The following RBMS3 variants were observed in gnomAD, a reference collection of about 807,000 sequenced individuals.
RBMS3 encodes the protein RNA-binding motif, single-stranded-interacting protein 3.
Under a neutral mutation model 66.8 loss-of-function variants are expected in RBMS3, and 27 were observed. The observed-to-expected ratio is 0.40, with a 90% CI of 0.30 to 0.56. The LOEUF (loss-of-function observed/expected upper bound fraction) is 0.56. Ranked by LOEUF, RBMS3 falls within the 20% of genes least tolerant of loss-of-function variation. RBMS3 has a pLI of 0.40. For synonymous variants in RBMS3, 188 were observed against 183.0 expected (o/e 1.03, Z -0.22); for missense variants, 513 against 549.5 (o/e 0.93, Z 0.66).
chr3:29,943,365 G>A (rs890901705), intron 11 of RBMS3, among the ~76,000 whole-genome samples: 1 of 151,926 alleles, frequency 6.6e-6, no homozygotes, highest in East Asian at 1.9e-4. Context: ...TCCATTTTTA[G>A]AAGGGGACCC....
chr3:29,624,050 A>G (rs557615574), intron 4 of RBMS3, among the ~76,000 whole-genome samples: 1 of 152,202 alleles, frequency 6.6e-6, no homozygotes, highest in South Asian at 2.1e-4. Flanking sequence ...ACATCCCAGG[A>G]GTTACACTGA....
intron 2 of RBMS3, among the ~76,000 whole-genome samples, chr3:29,449,732 C>A (rs7625682): frequency 0.059 from 8,941 of 152,270 alleles, 348 homozygotes; most frequent in East Asian, 0.16. Flanking sequence ...AAAGAGCCAT[C>A]ATTTTAGTGT....
chr3:29,981,768 G>A (rs769704874), intron 12 of RBMS3, among the ~76,000 whole-genome samples: 2 of 152,170 alleles, frequency 1.3e-5, no homozygotes, highest in Non-Finnish European at 2.9e-5. Flanking sequence ...TTGCATCCCA[G>A]GGATGTAGCT....
At chr3:29,579,233 A>T (rs751334337) in intron 3 of RBMS3, among the ~76,000 whole-genome samples, 26 of 152,220 alleles carry the variant, frequency 1.7e-4, no homozygotes, top group Non-Finnish European at 2.9e-4. Context: ...AAAGATGAAT[A>T]GGTGGTAAAA....
At chr3:29,870,907 A>G (rs2059475717) in intron 7 of RBMS3, among the ~76,000 whole-genome samples, 1 of 152,116 alleles carries the variant, frequency 6.6e-6, no homozygotes, top group East Asian at 1.9e-4. Flanking sequence ...AAATATGCTT[A>G]TCAAATTTTT....
rs1576915532 is a variant in RBMS3, at chr3:29,823,847, G to C, written c.638-45011G>C. ...TTTATACCTAGGAATGAAATTGCTT[G>C]GTCATAAGGTATGCAAATATACCTC... On this transcript the variant is annotated intron_variant, in intron 6 of 14. Coordinates refer to ENST00000383767, the MANE Select transcript of RBMS3 (RefSeq NM_001003793.3). Among the ~76,000 whole-genome samples the C allele has an allele frequency of 3.9e-5, 6 of 152,140 alleles. No individual in the cohort carries two copies. In the South Asian group the frequency reaches 1.2e-3, roughly 32 times the overall value.
chr3:29,890,587 C>T (rs2149590502), intron 8 of RBMS3, among the ~76,000 whole-genome samples: 2 of 151,504 alleles, frequency 1.3e-5, no homozygotes, highest in Non-Finnish European at 3.0e-5. Flanking sequence ...TTTTTTTCAA[C>T]TTTCTATCTA....
intron 2 of RBMS3, among the ~76,000 whole-genome samples, chr3:29,453,203 G>A (rs929141535): frequency 1.3e-4 from 20 of 152,166 alleles, no homozygotes; most frequent in Admixed American, 3.9e-4. Flanking sequence ...TGGAAGATAT[G>A]TTTTAGTATG....
intron 1 of RBMS3, among the ~76,000 whole-genome samples, chr3:29,431,065 T>C (rs1405630941): frequency 6.6e-6 from 1 of 152,202 alleles, no homozygotes; most frequent in East Asian, 1.9e-4. Context: ...GAATACTTTA[T>C]GTCAGGAAAT....
chr3:29,817,972 CTA>C (rs1429563578), intron 6 of RBMS3, among the ~76,000 whole-genome samples: 1 of 152,072 alleles, frequency 6.6e-6, no homozygotes, highest in Non-Finnish European at 1.5e-5. Context: ...ATGCTATACT[CTA>C]TGTTAGGTCA....
At chr3:29,400,233 G>T (rs748692387) in intron 1 of RBMS3, among the ~76,000 whole-genome samples, 29 of 152,092 alleles carry the variant, frequency 1.9e-4, no homozygotes, top group South Asian at 4.1e-4. Context: ...GAGTTCACAA[G>T]CACTGTGCTG....
intron 1 of RBMS3, among the ~76,000 whole-genome samples, chr3:29,360,185 G>A (rs1221508603): frequency 6.6e-6 from 1 of 150,666 alleles, no homozygotes; most frequent in African/African-American, 2.5e-5. Context: ...TGGGCATTTA[G>A]TGCTATAAAT....
intron 1 of RBMS3, among the ~76,000 whole-genome samples, chr3:29,282,084 A>C (rs535886199): frequency 1.3e-5 from 2 of 152,272 alleles, no homozygotes; most frequent in South Asian, 4.1e-4. Flanking sequence ...AGATCACAAC[A>C]GTGATTACCA....
intron 6 of RBMS3, among the ~76,000 whole-genome samples, chr3:29,862,938 G>A (rs1327677004): frequency 6.6e-6 from 1 of 151,080 alleles, no homozygotes; most frequent in Non-Finnish European, 1.5e-5. Flanking sequence ...ATATGATGAA[G>A]GGGAAAAATT....
chr3:29,666,276 T>TAA (rs2050752487), intron 4 of RBMS3, among the ~76,000 whole-genome samples: 1 of 152,196 alleles, frequency 6.6e-6, no homozygotes, highest in African/African-American at 2.4e-5. Flanking sequence ...GCACATATAT[T>TAA]AAGTGCTTTA....
intron 4 of RBMS3, among the ~76,000 whole-genome samples, chr3:29,605,954 C>T (rs1378397578): frequency 6.8e-6 from 1 of 147,350 alleles, no homozygotes; most frequent in African/African-American, 2.5e-5. Flanking sequence ...TTTGTTAAGA[C>T]ATGAAACAAG....
At chr3:29,494,771 G>C (rs2043675761) in intron 3 of RBMS3, among the ~76,000 whole-genome samples, 1 of 152,096 alleles carries the variant, frequency 6.6e-6, no homozygotes, top group South Asian at 2.1e-4. Flanking sequence ...TTGAAGGTTG[G>C]TTTCCCTTTT....
At chr3:29,300,004 A>T (rs1319787729) in intron 1 of RBMS3, among the ~76,000 whole-genome samples, 2 of 151,980 alleles carry the variant, frequency 1.3e-5, no homozygotes, top group Admixed American at 1.3e-4. Flanking sequence ...AAAATATTCT[A>T]ATAATAAAAG....
chr3:29,454,564 A>G (rs1444193299), intron 2 of RBMS3, among the ~76,000 whole-genome samples: 1 of 152,202 alleles, frequency 6.6e-6, no homozygotes. Flanking sequence ...CACCAACAGG[A>G]CGCTTTCTAT....
Sources: gnomAD v4.1 joint callset for allele counts (sites outside exome capture counted in the v4.1 genomes callset) on GRCh38, gnomAD v4.1.1 for gene constraint, MANE v1.5 for transcripts, NCBI Gene and HGNC (gene_info 2026-07-23, HGNC 2026-07-21) for gene names.